SLIT2: variants seen among roughly 807,000 people sequenced by gnomAD.
SLIT2 encodes the protein slit homolog 2 protein.
SLIT2 carries 41 observed loss-of-function variants against 185.7 expected under a neutral mutation model. That is an observed-to-expected ratio of 0.22 (90% CI 0.17 to 0.29). The LOEUF (loss-of-function observed/expected upper bound fraction) is 0.29, where lower values mean the gene tolerates loss of function less well. Ranked by LOEUF, SLIT2 falls within the 10% of genes least tolerant of loss-of-function variation. The pLI is 1.00. For synonymous variants in SLIT2, 693 were observed against 680.2 expected (o/e 1.02, Z -0.29); for missense variants, 1,571 against 1,909.0 (o/e 0.82, Z 3.30).
At chr4:20,295,244 G>T (rs1292827629) in intron 4 of SLIT2, among the ~76,000 whole-genome samples, 1 of 152,190 alleles carries the variant, frequency 6.6e-6, no homozygotes, top group Non-Finnish European at 1.5e-5. Context: ...TAGATTAACT[G>T]GAATTTCTTT....
At chr4:20,511,593 T>TTTTTTTTTTTTTTA (rs560002264) in intron 11 of SLIT2, among the ~76,000 whole-genome samples, 5 of 134,246 alleles carry the variant, frequency 3.7e-5, no homozygotes, top group African/African-American at 1.1e-4. Flanking sequence ...GCTAATTTTT[T>TTTTTTTTTTTTTTA]TTTTTTTTTT....
chr4:20,325,048 C>T (rs546288008), intron 4 of SLIT2, among the ~76,000 whole-genome samples: 1 of 152,144 alleles, frequency 6.6e-6, no homozygotes, highest in East Asian at 1.9e-4. Context: ...CTTCCTCCTT[C>T]TCTCCCTTTC....
chr4:20,464,343 CATT>C (rs1714107023), intron 4 of SLIT2, among the ~76,000 whole-genome samples: 1 of 152,174 alleles, frequency 6.6e-6, no homozygotes, highest in Admixed American at 6.5e-5. Context: ...CTCTCCACAT[CATT>C]GTCTGCTGAA....
At chr4:20,389,858 A>G (rs1725278597) in intron 4 of SLIT2, among the ~76,000 whole-genome samples, 1 of 152,074 alleles carries the variant, frequency 6.6e-6, no homozygotes, top group Non-Finnish European at 1.5e-5. Context: ...ACATGTATTA[A>G]TGTCTGATAT....
At chr4:20,470,165 TATTTC>T (rs1327842869) in intron 5 of SLIT2, among the ~76,000 whole-genome samples, 1 of 152,142 alleles carries the variant, frequency 6.6e-6, no homozygotes, top group African/African-American at 2.4e-5. Context: ...GAAAATACAG[TATTTC>T]ATTTGCAAGT....
chr4:20,472,295 G>GATCTATATCTATATATCT (rs1715223364), intron 5 of SLIT2, among the ~76,000 whole-genome samples: 1 of 25,882 alleles, frequency 3.9e-5, no homozygotes, highest in Non-Finnish European at 5.7e-5. Flanking sequence ...TAGATATATA[G>GATCTATATCTATATATCT]ATATATAGAT....
At chr4:20,562,902 A>T (rs1724810979) in intron 26 of SLIT2, among the ~76,000 whole-genome samples, 1 of 151,832 alleles carries the variant, frequency 6.6e-6, no homozygotes, top group Admixed American at 6.6e-5. Context: ...TTTCCAAGGG[A>T]TGCCAGAATG....
At chr4:20,337,179 T>C (rs903969599) in intron 4 of SLIT2, among the ~76,000 whole-genome samples, 7 of 152,134 alleles carry the variant, frequency 4.6e-5, no homozygotes, top group African/African-American at 7.2e-5. Context: ...ACTAGGTAAT[T>C]TATACAGGAA....
intron 4 of SLIT2, among the ~76,000 whole-genome samples, chr4:20,438,824 T>A (rs2148696315): frequency 6.6e-6 from 1 of 152,370 alleles, no homozygotes; most frequent in South Asian, 2.1e-4. Flanking sequence ...CCCTATGCAA[T>A]GTGCTACCTA....
At chr4:20,256,067 A>G (rs1055146126) in intron 1 of SLIT2, among the ~76,000 whole-genome samples, 1 of 152,206 alleles carries the variant, frequency 6.6e-6, no homozygotes, top group Non-Finnish European at 1.5e-5. Context: ...TCACTTTACA[A>G]TCACAGCGGG....
At chr4:20,468,117 A>G (rs957253699) in intron 5 of SLIT2, among the ~76,000 whole-genome samples, 1 of 151,830 alleles carries the variant, frequency 6.6e-6, no homozygotes, top group African/African-American at 2.4e-5. Context: ...TTTTTTCCCC[A>G]CTTTTTCTAT....
intron 4 of SLIT2, among the ~76,000 whole-genome samples, chr4:20,464,768 A>C (rs922541191): frequency 6.6e-6 from 1 of 152,042 alleles, no homozygotes; most frequent in Non-Finnish European, 1.5e-5. Context: ...ATCCGCTTTT[A>C]TGTGTTGACA....
intron 4 of SLIT2, among the ~76,000 whole-genome samples, chr4:20,308,377 A>G (rs1248807439): frequency 6.6e-6 from 1 of 152,222 alleles, no homozygotes. Flanking sequence ...AAATCACATG[A>G]CAACAGAGGT....
chr4:20,402,768 C>T (rs996870220), intron 4 of SLIT2, among the ~76,000 whole-genome samples: 2 of 151,336 alleles, frequency 1.3e-5, no homozygotes, highest in African/African-American at 2.4e-5. Flanking sequence ...TCAATTAAAG[C>T]GTGGTAAAGG....
chr4:20,380,157 A>G (rs1187872032), intron 4 of SLIT2, among the ~76,000 whole-genome samples: 1 of 152,176 alleles, frequency 6.6e-6, no homozygotes, highest in African/African-American at 2.4e-5. Flanking sequence ...CTTTTATGCA[A>G]GACAGCAGGT....
chr4:20,599,784 G>A (rs551530502), intron 33 of SLIT2, among the ~76,000 whole-genome samples: 2 of 152,172 alleles, frequency 1.3e-5, no homozygotes, highest in African/African-American at 4.8e-5. Context: ...GACACACTTG[G>A]CAACAAAAGA....
chr4:20,252,904 C>T lies in SLIT2; in HGVS notation c.-912C>T, dbSNP rs1038725502. 1.3e-5 allele frequency among the ~76,000 whole-genome samples: 2 copies of T among 152,198 alleles called. No individual in the cohort carries two copies. The highest frequency in any genetic ancestry group is 2.9e-5 in the Non-Finnish European group (2 of 68,030). On this transcript the variant is annotated 5_prime_UTR_variant, in exon 1 of 37. Coordinates refer to ENST00000504154, the MANE Select transcript of SLIT2 (RefSeq NM_004787.4). ...AGTCCCCACTCAGTCTTCGCAGCAG[C>T]TCTCATCCTCCACTTGGCCTCTTGG... is the stretch of plus-strand genomic sequence containing the variant.
intron 26 of SLIT2, among the ~76,000 whole-genome samples, chr4:20,559,037 G>A (rs1724484682): frequency 1.3e-5 from 2 of 151,878 alleles, no homozygotes; most frequent in African/African-American, 4.8e-5. Flanking sequence ...AAGATGTAAT[G>A]ACATAAGTGG....
chr4:20,512,940 T>C (rs1197062462), intron 11 of SLIT2, among the ~76,000 whole-genome samples: 2 of 152,140 alleles, frequency 1.3e-5, no homozygotes, highest in East Asian at 3.9e-4. Flanking sequence ...AATAGAACAG[T>C]TTATTATAAT....
Sources: gnomAD v4.1 joint callset for allele counts (sites outside exome capture counted in the v4.1 genomes callset) on GRCh38, gnomAD v4.1.1 for gene constraint, MANE v1.5 for transcripts, NCBI Gene and HGNC (gene_info 2026-07-23, HGNC 2026-07-21) for gene names.